The following RAD54L variants were observed in gnomAD, a reference collection of about 807,000 sequenced individuals.
The protein encoded by RAD54L is RAD54 like, also known as DNA repair and recombination protein RAD54-like.
Under a neutral mutation model 91.6 loss-of-function variants are expected in RAD54L, and 74 were observed. The observed-to-expected ratio is 0.81, with a 90% confidence interval of 0.67 to 0.98. The LOEUF is 0.98. Ranked by LOEUF, RAD54L falls within the 50% of genes least tolerant of loss-of-function variation. The pLI is 0.00. For missense variants in RAD54L, 887 were observed against 945.7 expected, an observed-to-expected ratio of 0.94 and a Z score of 0.81; for synonymous variants, 304 against 349.7, an observed-to-expected ratio of 0.87 and a Z score of 1.46.
In RAD54L at chr1:46,267,539, C is replaced by T. The variant is rs140547125; in HGVS notation, c.972C>T (p.Ser324=). The T allele has an allele frequency of 2.4e-5, 39 of 1,613,640 alleles. No homozygotes were observed. The highest frequency in any genetic ancestry group is 4.5e-5 in the East Asian group (2 of 44,876). ...SLNTSRRVLI[S]GTPIQNDLLE... is the part of the protein sequence containing the mutation. Reference sequence around the variant, plus strand: ...ACACCAGCCGGCGGGTGCTCATCTCCGGAACTCCCATCCAGAATGATCTGC... The same window carrying T: ...ACACCAGCCGGCGGGTGCTCATCTCTGGAACTCCCATCCAGAATGATCTGC... Residue 324 remains serine (S), a synonymous_variant, in exon 9 of 18, where the codon TCC becomes TCT. Transcript: ENST00000371975.
intron 3 of RAD54L, among the ~76,000 whole-genome samples, chr1:46,254,624 T>C (rs1423346315): frequency 4.7e-5 from 7 of 149,528 alleles, no homozygotes; most frequent in African/African-American, 1.7e-4. Flanking sequence ...GGTCTTGCTG[T>C]GTCACCCAGG....
intron 2 of RAD54L, 51 bp downstream of exon 2, chr1:46,248,649 A>T (rs746344114): frequency 6.4e-7 from 1 of 1,569,070 alleles, no homozygotes. Context: ...TGGACAGAAA[A>T]GAAGCCAGGA....
At chr1:46,268,585 A>G (rs1241601135) in intron 9 of RAD54L, among the ~76,000 whole-genome samples, 1 of 152,198 alleles carries the variant, frequency 6.6e-6, no homozygotes, top group Non-Finnish European at 1.5e-5. Context: ...TCCTGACACT[A>G]TAGGTTGGTT....
At chr1:46,261,189 CTAATTGT>C in intron 7 of RAD54L, 65 bp from the exon 8 acceptor site, 2 of 1,583,134 alleles carry the variant, frequency 1.3e-6, no homozygotes, top group Non-Finnish European at 1.7e-6. Context: ...AAAGAACTGT[CTAATTGT>C]TTTTTTTGTT....
In RAD54L at chr1:46,274,161, G is replaced by C; in HGVS notation, c.1634G>C (p.Gly545Ala). Residue 545 changes from glycine to alanine, a missense_variant, in exon 15 of 18, where the codon GGC (glycine) becomes GCC (alanine). Coordinates refer to ENST00000371975, the MANE Select transcript of RAD54L (RefSeq NM_003579.4). ...ARRYLYVRLD[G>A]TMSIKKRAKV... ...AGGTACTTATACGTCCGCCTGGATG[G>C]CACGATGTCCATTAAGAAGCGAGCC... 6.2e-7 allele frequency: 1 copy of C among 1,613,770 alleles called. No homozygotes were observed. Among genetic ancestry groups the C allele is most frequent in the Non-Finnish European group, 8.5e-7 (1 of 1,179,730 alleles).
In RAD54L at chr1:46,274,743, T is replaced by C. The variant is rs1378275217; in HGVS notation, c.1869+26T>C. ...GTAAGGATGGTGATAGTAGTCATAGTAGGGGTGGGTCATGGAACGAGATCT... is the reference window on the plus strand; with the variant it reads ...GTAAGGATGGTGATAGTAGTCATAGCAGGGGTGGGTCATGGAACGAGATCT... On this transcript the variant is annotated intron_variant, in intron 16 of 17. Coordinates refer to ENST00000371975, the MANE Select transcript of RAD54L (RefSeq NM_003579.4). The C allele has an allele frequency of 1.9e-6, 3 of 1,613,548 alleles. No homozygotes were observed. In the African/African-American group the frequency reaches 4.0e-5, roughly 22 times the overall value.
Position 46,277,831 on chromosome 1 carries a change from G to A in RAD54L, c.1884G>A (p.Glu628=), listed in dbSNP as rs763401774. The change falls in exon 17 of 18, where the codon GAG becomes GAA. Residue 628 remains glutamate, a synonymous_variant. Coordinates refer to ENST00000371975, the MANE Select transcript of RAD54L (RefSeq NM_003579.4). ...CTCTTCCCCAGGCAGGGACCATTGA[G>A]GAGAAGATCTTCCAGCGTCAGAGCC... ...IYRLLSAGTI[E]EKIFQRQSHK... is the part of the protein sequence containing the mutation. 1.2e-6 allele frequency: 2 copies of A among 1,610,052 alleles called. No homozygotes were observed. Among genetic ancestry groups the A allele is most frequent in the South Asian group, 1.1e-5 (1 of 90,982 alleles).
intron 10 of RAD54L, among the ~76,000 whole-genome samples, chr1:46,271,941 G>A (rs1316848272): frequency 1.3e-5 from 2 of 148,844 alleles, no homozygotes; most frequent in Admixed American, 6.8e-5. Flanking sequence ...AGAAAGTGCT[G>A]CCTGTCTAAG....
chr1:46,257,157 A>C (rs982295969), intron 3 of RAD54L, among the ~76,000 whole-genome samples: 2 of 151,798 alleles, frequency 1.3e-5, no homozygotes, highest in African/African-American at 2.4e-5. Flanking sequence ...AAAAAAAAAA[A>C]AAAAAACCCC....
rs1056280313 is a variant in RAD54L, at chr1:46,278,437, T to C, written c.*155T>C. ...AAAATTTATTTTATAAGAAAAACTT[T>C]TTTGGTTAAAAAAAAGAATAAAGGT... On this transcript the variant is annotated 3_prime_UTR_variant, in exon 18 of 18. Transcript: ENST00000371975. The C allele has an allele frequency of 1.3e-5, 12 of 932,920 alleles. No homozygotes were observed. Among genetic ancestry groups the C allele is most frequent in the African/African-American group, 1.2e-4 (7 of 59,802 alleles). The allele number at this position is 932,920 out of a possible 1,614,324, so 57.8% of individuals were successfully genotyped here.
chr1:46,253,178 G>A (rs555711357), intron 3 of RAD54L, among the ~76,000 whole-genome samples: 2 of 152,292 alleles, frequency 1.3e-5, no homozygotes, highest in African/African-American at 4.8e-5. Context: ...CTGTCAATAA[G>A]AAATTGTATT....
chr1:46,256,710 T>A (rs914043316), intron 3 of RAD54L, among the ~76,000 whole-genome samples: 7 of 152,190 alleles, frequency 4.6e-5, no homozygotes, highest in African/African-American at 1.7e-4. Context: ...CATTTGAGTT[T>A]TTTGCCAACT....
At chr1:46,259,320 G>A (rs28363211) in intron 4 of RAD54L, among the ~76,000 whole-genome samples, 2,143 of 152,190 alleles carry the variant, frequency 0.014, 28 homozygotes, top group Non-Finnish European at 0.025. Context: ...CTTGGCTGTG[G>A]CCAGCTCTCA....
In RAD54L at chr1:46,260,011, CGG is replaced by C. The variant is rs1557701090; in HGVS notation, c.321_322del (p.Ala108ProfsTer3). 4.3e-6 allele frequency: 7 copies of C among 1,614,022 alleles called. No homozygotes were observed. In the South Asian group the frequency reaches 7.7e-5, roughly 18 times the overall value. On this transcript the variant is annotated frameshift_variant, in exon 5 of 18. Transcript: ENST00000371975. LOFTEE classifies it high-confidence loss of function. ...GGGCCTGAAAAGGGCTGGGGTCCGC[CGG>C]GCCCTCCATGACCCCCTGGAAAAAG... ...ALGLKRAGVR[R>X]ALHDPLEKDA...
chr1:46,262,328 A>G (rs562147506), intron 8 of RAD54L, among the ~76,000 whole-genome samples: 6 of 152,110 alleles, frequency 3.9e-5, no homozygotes, highest in African/African-American at 1.4e-4. Flanking sequence ...AATCTCTTGA[A>G]CCCGGGAGGT....
At chr1:46,250,409 A>G (rs1659765378) in intron 3 of RAD54L, among the ~76,000 whole-genome samples, 2 of 152,224 alleles carry the variant, frequency 1.3e-5, no homozygotes, top group South Asian at 2.1e-4. Flanking sequence ...CTGACTCTGT[A>G]TATGACTTTA....
intron 2 of RAD54L, among the ~76,000 whole-genome samples, chr1:46,249,096 T>G (rs916958469): frequency 6.6e-6 from 1 of 152,172 alleles, no homozygotes; most frequent in Non-Finnish European, 1.5e-5. Context: ...GGAGGCTTGT[T>G]GGGGCTGGCT....
At chr1:46,267,954 C>T (rs1020055699) in intron 9 of RAD54L, among the ~76,000 whole-genome samples, 1 of 152,168 alleles carries the variant, frequency 6.6e-6, no homozygotes, top group Non-Finnish European at 1.5e-5. Context: ...CTGTCTTGGG[C>T]AGACGTGTGT....
At chr1:46,277,394 T>G (rs1660642446) in intron 16 of RAD54L, 1 of 263,236 alleles carries the variant, frequency 3.8e-6, no homozygotes, top group African/African-American at 2.2e-5. Context: ...AATGTTTGTC[T>G]AGGAGCTAAA....
Sources: gnomAD v4.1 joint callset for allele counts (sites outside exome capture counted in the v4.1 genomes callset) on GRCh38, gnomAD v4.1.1 for gene constraint, MANE v1.5 for transcripts, NCBI Gene and HGNC (gene_info 2026-07-23, HGNC 2026-07-21) for gene names.